The following ITGA6 variants were observed in gnomAD, a reference collection of about 807,000 sequenced individuals.
The protein encoded by ITGA6 is integrin subunit alpha 6.
In ITGA6, 63 loss-of-function variants were observed where a neutral mutation model predicts 133.6. The ratio of observed to expected loss-of-function variants is 0.47; its 90% CI spans 0.38 to 0.58. The LOEUF (loss-of-function observed/expected upper bound fraction) is 0.58. Among genes scored for constraint, ITGA6 ranks in the 20% least tolerant of loss-of-function variants. The pLI is 0.00. For synonymous variants in ITGA6, 434 were observed against 482.0 expected, an observed-to-expected ratio of 0.90 and a Z score of 1.30; for missense variants, 1,068 against 1,309.4, an observed-to-expected ratio of 0.82 and a Z score of 2.85.
intron 1 of ITGA6, among the ~76,000 whole-genome samples, chr2:172,458,497 G>A (rs897516634): frequency 6.6e-6 from 1 of 152,054 alleles, no homozygotes; most frequent in South Asian, 2.1e-4. Flanking sequence ...TGTGAATGCT[G>A]GGACCCCAAG....
chr2:172,500,465 C>A (rs938412340), intron 24 of ITGA6, among the ~76,000 whole-genome samples: 14 of 152,170 alleles, frequency 9.2e-5, no homozygotes, highest in Admixed American at 1.3e-4. Context: ...CCCGCGTCTA[C>A]TAAATATACA....
intron 13 of ITGA6, among the ~76,000 whole-genome samples, chr2:172,485,566 T>A (rs1417051681): frequency 6.6e-6 from 1 of 152,186 alleles, no homozygotes; most frequent in African/African-American, 2.4e-5. Context: ...TAGCTGTACA[T>A]AGAAAGAAAA....
intron 23 of ITGA6, among the ~76,000 whole-genome samples, chr2:172,492,343 T>C (rs1298147961): frequency 6.6e-6 from 1 of 152,250 alleles, no homozygotes; most frequent in Admixed American, 6.5e-5. Flanking sequence ...TTCATCAGAA[T>C]TTGTTGTCAA....
At chr2:172,475,809 T>C in intron 8 of ITGA6, 124 bp downstream of exon 8, 1 of 673,874 alleles carries the variant, frequency 1.5e-6, no homozygotes, top group Non-Finnish European at 2.7e-6. Context: ...ATAGTATAAA[T>C]TTTTTAAAAA....
chr2:172,490,818 A>C (rs1686888398), intron 20 of ITGA6: 1 of 520,184 alleles, frequency 1.9e-6, no homozygotes, highest in African/African-American at 1.9e-5. Flanking sequence ...TGAATTACTT[A>C]GTCCTATGAG....
In ITGA6 at chr2:172,475,581, G is replaced by A. The variant is rs913684468; in HGVS notation, c.1181-16G>A. On this transcript the variant is annotated splice_polypyrimidine_tract_variant and intron_variant, in intron 7 of 25. Coordinates refer to ENST00000684293, the MANE Select transcript of ITGA6 (RefSeq NM_000210.4). ...AAAGCGTTTGTTAAAATGTTAAAAT[G>A]TGATGTTGTCAACAGATATTGCAGT... 1 of 1,415,352 alleles carries A rather than the reference G, an allele frequency of 7.1e-7. No homozygotes were observed. The highest frequency in any genetic ancestry group is 1.0e-6 in the Non-Finnish European group (1 of 998,604). The allele number at this position is 1,415,352 out of a possible 1,614,324, so 87.7% of individuals were successfully genotyped here.
At chr2:172,473,273 C>T (rs907490228) in intron 5 of ITGA6, among the ~76,000 whole-genome samples, 2 of 152,208 alleles carry the variant, frequency 1.3e-5, no homozygotes, top group Non-Finnish European at 2.9e-5. Context: ...TTCACCAGAT[C>T]TGTTATTTGT....
chr2:172,476,156 C>G (rs556258684), intron 8 of ITGA6, among the ~76,000 whole-genome samples: 1 of 152,262 alleles, frequency 6.6e-6, no homozygotes, highest in Non-Finnish European at 1.5e-5. Flanking sequence ...AATAAACAAG[C>G]TCATCAGAAA....
chr2:172,486,027 G>A (rs1303439826), intron 13 of ITGA6, among the ~76,000 whole-genome samples: 1 of 151,914 alleles, frequency 6.6e-6, no homozygotes, highest in Non-Finnish European at 1.5e-5. Flanking sequence ...AAATACAAAA[G>A]TTAGCGGGTA....
chr2:172,435,027 AGTGTGT>A lies in ITGA6; in HGVS notation c.182+7084_182+7089del, dbSNP rs72087668. On this transcript the variant is annotated intron_variant, in intron 1 of 25. Transcript: ENST00000684293. ...GTTCATTTGTACTGAGGTGGTTTTA[AGTGTGT>A]GTGTGTGTGTGTGTGTGTGTGTGTG... Among the ~76,000 whole-genome samples, 583 of 144,156 alleles carry A rather than the reference AGTGTGT, an allele frequency of 4.0e-3. 4 individuals carry two copies. Among genetic ancestry groups the A allele is most frequent in the African/African-American group, 0.013 (503 of 39,080 alleles). 94.6% of individuals were successfully genotyped at this position (144,156 alleles called of 152,430 possible). A position where few individuals can be genotyped will look rare whatever the true frequency, so the allele number is the denominator to read the frequency against.
At chr2:172,488,834 C>T (rs1050739236) in intron 19 of ITGA6, among the ~76,000 whole-genome samples, 2 of 152,144 alleles carry the variant, frequency 1.3e-5, no homozygotes, top group African/African-American at 4.8e-5. Context: ...CTGTGTGTCT[C>T]TTAGCATTAT....
rs777021927 is a variant in ITGA6, at chr2:172,488,010, G to C, written c.2374G>C (p.Val792Leu). The stretch of plus-strand genomic sequence containing the variant: ...TCCAATTACAGCTAAAGCAAAAGTG[G>C]TTATTGAACTGCTTTTATCGGTCTC... The part of the protein sequence containing the change: ...LAPITAKAKV[V>L]IELLLSVSGV... The change falls in exon 18 of 26, where the codon GTT becomes CTT. Residue 792 changes from valine (V) to leucine (L), a missense_variant. By Grantham distance (32) the Val-to-Leu change is conservative. This residue lies in a region of ITGA6 where 609 missense variants were observed against 707.2 expected (regional missense o/e 0.86). Transcript: ENST00000684293. The C allele has an allele frequency of 6.2e-7, 1 of 1,613,970 alleles. No individual in the cohort carries two copies. Among genetic ancestry groups the C allele is most frequent in the Admixed American group, 1.7e-5 (1 of 60,026 alleles).
At chr2:172,476,955 C>T (rs1166825828) in intron 9 of ITGA6, among the ~76,000 whole-genome samples, 1 of 152,154 alleles carries the variant, frequency 6.6e-6, no homozygotes, top group African/African-American at 2.4e-5. Flanking sequence ...CTGCTTTTGT[C>T]TCTTTAGGAT....
chr2:172,473,112 C>T (rs1160050341), intron 5 of ITGA6, among the ~76,000 whole-genome samples: 1 of 152,184 alleles, frequency 6.6e-6, no homozygotes, highest in African/African-American at 2.4e-5. Flanking sequence ...ATTCACTTCA[C>T]AATTTGAGAA....
chr2:172,504,245 A>T lies in ITGA6; in HGVS notation c.*177A>T. The T allele has an allele frequency of 1.3e-6, 2 of 1,569,304 alleles. No individual in the cohort carries two copies. Among genetic ancestry groups the T allele is most frequent in the Non-Finnish European group, 1.7e-6 (2 of 1,158,496 alleles). On this transcript the variant is annotated 3_prime_UTR_variant, in exon 26 of 26. Coordinates refer to ENST00000684293, the MANE Select transcript of ITGA6 (RefSeq NM_000210.4). ...ACAAAGTGGAACGAAAATGAAAGCT[A>T]CTCATAGCGGGGGCCTAAAAAAAAA...
intron 23 of ITGA6, among the ~76,000 whole-genome samples, chr2:172,492,351 C>T (rs1324627043): frequency 6.6e-6 from 1 of 152,220 alleles, no homozygotes; most frequent in East Asian, 1.9e-4. Flanking sequence ...AATTTGTTGT[C>T]AAGCTGTGTT....
At chr2:172,455,398 A>T (rs753514326) in intron 1 of ITGA6, among the ~76,000 whole-genome samples, 1 of 152,154 alleles carries the variant, frequency 6.6e-6, no homozygotes, top group Non-Finnish European at 1.5e-5. Flanking sequence ...AAAGCTTGGG[A>T]TAACTGCTGG....
chr2:172,444,615 A>C lies in ITGA6; in HGVS notation c.182+16645A>C, dbSNP rs7581672. Among the ~76,000 whole-genome samples, 6 of 120,814 alleles carry C rather than the reference A, an allele frequency of 5.0e-5. No individual in the cohort carries two copies. The East Asian group carries it at 1.5e-3, about 30-fold the overall frequency. 79.3% of individuals were successfully genotyped at this position (120,814 alleles called of 152,430 possible). A position where few individuals can be genotyped will look rare whatever the true frequency, so the allele number is the denominator to read the frequency against. On this transcript the variant is annotated intron_variant, in intron 1 of 25. Coordinates refer to ENST00000684293, the MANE Select transcript of ITGA6 (RefSeq NM_000210.4). ...CCCCCGCCCCCCGCCAAAAAAAACC[A>C]AAAACCCAAAACACTTGTAGTCCCA...
intron 1 of ITGA6, among the ~76,000 whole-genome samples, chr2:172,450,776 G>A (rs1295578427): frequency 4.0e-5 from 6 of 149,028 alleles, no homozygotes; most frequent in South Asian, 2.1e-4. Flanking sequence ...CCAACATGGC[G>A]GAACCCCATT....
Sources: allele counts gnomAD v4.1 joint callset (sites outside exome capture counted in the v4.1 genomes callset), GRCh38; gene constraint gnomAD v4.1.1; regional missense constraint gnomAD v4.1.1; transcripts MANE v1.5; gene names NCBI Gene and HGNC (gene_info 2026-07-23, HGNC 2026-07-21).